The following FRAS1 variants were observed in gnomAD, a reference collection of about 807,000 sequenced individuals.
FRAS1 encodes the protein Fraser extracellular matrix complex subunit 1.
FRAS1 carries 290 observed loss-of-function variants against 435.2 expected under a neutral mutation model. The ratio of observed to expected loss-of-function variants is 0.67; its 90% confidence interval spans 0.61 to 0.73. The LOEUF is 0.73. Ranked by LOEUF, FRAS1 falls within the 30% of genes least tolerant of loss-of-function variation. The pLI is 0.00. For missense variants in FRAS1, 4,860 were observed against 5,001.5 expected (o/e 0.97, Z 0.85); for synonymous variants, 1,800 against 1,851.0 (o/e 0.97, Z 0.71).
At position 78,057,672 on chromosome 4, in the gene FRAS1, C is replaced by T. The variant is rs909757599; in HGVS notation, c.-338C>T. Reference sequence around the variant, plus strand: ...CGAGGGAAATGCTGGAAGATCCCATCGGCCAGTGACCAGCAACTTTCCGGC... The same window carrying T: ...CGAGGGAAATGCTGGAAGATCCCATTGGCCAGTGACCAGCAACTTTCCGGC... On this transcript the variant is annotated 5_prime_UTR_variant, in exon 1 of 74. Coordinates refer to ENST00000512123, the MANE Select transcript of FRAS1 (RefSeq NM_025074.7). The surrounding 1 kb of genome is among the most constrained non-coding windows in gnomAD (Gnocchi z 4.2). 8.0e-6 allele frequency: 3 copies of T among 376,128 alleles called. No homozygotes were observed. In the South Asian group the frequency reaches 1.7e-4, roughly 22 times the overall value. The allele number at this position is 376,128 out of a possible 1,614,324, so 23.3% of individuals were successfully genotyped here.
At chr4:78,496,293 C>G (rs544781171) in intron 59 of FRAS1, among the ~76,000 whole-genome samples, 1 of 152,230 alleles carries the variant, frequency 6.6e-6, no homozygotes, top group Admixed American at 6.5e-5. Flanking sequence ...GCAGCAGATT[C>G]GAAAATTCTT....
At chr4:78,476,789 T>G (rs1034519660) in intron 54 of FRAS1, among the ~76,000 whole-genome samples, 1 of 152,190 alleles carries the variant, frequency 6.6e-6, no homozygotes, top group Non-Finnish European at 1.5e-5. Context: ...TATTAGTTGA[T>G]TAGATATATA....
At chr4:78,123,959 A>G (rs1440868142) in intron 2 of FRAS1, among the ~76,000 whole-genome samples, 1 of 152,154 alleles carries the variant, frequency 6.6e-6, no homozygotes, top group Non-Finnish European at 1.5e-5. Context: ...CTAATTGAAT[A>G]CCTTTTATTT....
At chr4:78,420,607 C>T (rs1733743372) in intron 33 of FRAS1, among the ~76,000 whole-genome samples, 1 of 105,338 alleles carries the variant, frequency 9.5e-6, no homozygotes. Flanking sequence ...ACCCATGTTA[C>T]TGTAGCCAAG....
chr4:78,363,736 T>G (rs1414048137), intron 21 of FRAS1, 71 bp downstream of exon 21: 1 of 1,510,620 alleles, frequency 6.6e-7, no homozygotes, highest in African/African-American at 1.4e-5. Flanking sequence ...CTGGGAAGGA[T>G]CAACCTTTCC....
intron 15 of FRAS1, among the ~76,000 whole-genome samples, chr4:78,309,104 G>C (rs545597169): frequency 4.7e-4 from 72 of 152,328 alleles, no homozygotes; most frequent in Non-Finnish European, 8.5e-4. Context: ...TGGACCAGAG[G>C]TCGGAGTGAT....
intron 18 of FRAS1, among the ~76,000 whole-genome samples, chr4:78,321,018 AT>A (rs1424137362): frequency 6.6e-6 from 1 of 152,222 alleles, no homozygotes; most frequent in Non-Finnish European, 1.5e-5. Context: ...GCTTCTTACA[AT>A]TTTGAGCACC....
chr4:78,260,312 A>G (rs1460546708), intron 6 of FRAS1, among the ~76,000 whole-genome samples: 1 of 151,968 alleles, frequency 6.6e-6, no homozygotes, highest in Non-Finnish European at 1.5e-5. Flanking sequence ...CATTTTCACC[A>G]TATTGATTCT....
intron 2 of FRAS1, among the ~76,000 whole-genome samples, chr4:78,117,102 C>G (rs1397634128): frequency 2.0e-5 from 3 of 152,166 alleles, no homozygotes; most frequent in Non-Finnish European, 2.9e-5. Context: ...CTTAGTTTGT[C>G]TGGATTTGAA....
chr4:78,407,944 C>T, intron 31 of FRAS1, 103 bp downstream of exon 31: 1 of 986,914 alleles, frequency 1.0e-6, no homozygotes, highest in Non-Finnish European at 1.4e-6. Flanking sequence ...GACAGGAAAT[C>T]ACATTTGGGG....
intron 2 of FRAS1, among the ~76,000 whole-genome samples, chr4:78,192,945 T>A (rs1722616081): frequency 6.6e-6 from 1 of 152,232 alleles, no homozygotes; most frequent in South Asian, 2.1e-4. Context: ...CTGCTTTGAA[T>A]GTGTCCCAGA....
intron 58 of FRAS1, among the ~76,000 whole-genome samples, chr4:78,483,768 CTCTCTCTCTCTCTCTATA>C (rs34101423): frequency 1.5e-4 from 1 of 6,516 alleles, no homozygotes; most frequent in African/African-American, 2.8e-4. Context: ...AAAAAAAAAA[CTCTCTCTCTCTCTCTATA>C]TATATATATA....
At chr4:78,364,153 G>T in intron 22 of FRAS1, 99 bp downstream of exon 22, 1 of 1,303,834 alleles carries the variant, frequency 7.7e-7, no homozygotes. Context: ...CTTCTCACCT[G>T]GTAGCCTTTA....
chr4:78,322,554 G>A (rs1413382564), intron 18 of FRAS1, among the ~76,000 whole-genome samples: 1 of 146,516 alleles, frequency 6.8e-6, no homozygotes, highest in Non-Finnish European at 1.5e-5. Flanking sequence ...GCTAATAAAA[G>A]CAAGAGACAG....
At chr4:78,340,121 T>C (rs374822) in intron 20 of FRAS1, among the ~76,000 whole-genome samples, 26,898 of 152,176 alleles carry the variant, frequency 0.18, 3,259 homozygotes, top group African/African-American at 0.35. Flanking sequence ...TGATTAGGAC[T>C]TGCATTAATT....
chr4:78,132,042 G>GTAAATGT, intron 2 of FRAS1, among the ~76,000 whole-genome samples: 1 of 152,278 alleles, frequency 6.6e-6, no homozygotes, highest in South Asian at 2.1e-4. Context: ...GTCTTAGCCT[G>GTAAATGT]TAAATGTTAA....
intron 55 of FRAS1, among the ~76,000 whole-genome samples, chr4:78,479,100 G>C (rs1202776537): frequency 6.6e-6 from 1 of 152,140 alleles, no homozygotes. Context: ...TTAGATGGTG[G>C]GCAATGAGTC....
rs776708508 is a variant in FRAS1, at chr4:78,282,965, C to G, written c.1253C>G (p.Ser418Ter). ...VKGQCCPDCT[S>*]VHCHPDCLTC... ...GGACAGTGCTGTCCAGACTGCACAT[C>G]AGGTGGGTCCATGTCTCCTCTGTTT... Residue 418 changes from serine (S) to a stop codon, truncating the protein, a stop_gained and splice_region_variant, in exon 12 of 74, where the codon TCA (serine) becomes TGA (stop). Coordinates refer to ENST00000512123, the MANE Select transcript of FRAS1 (RefSeq NM_025074.7). LOFTEE classifies it high-confidence loss of function. 5 of 1,521,762 alleles carry G rather than the reference C, an allele frequency of 3.3e-6. No individual in the cohort carries two copies. The highest frequency in any genetic ancestry group is 4.4e-6 in the Non-Finnish European group (5 of 1,138,874). The allele number at this position is 1,521,762 out of a possible 1,614,324, so 94.3% of individuals were successfully genotyped here.
At chr4:78,112,357 C>T (rs1273540639) in intron 2 of FRAS1, among the ~76,000 whole-genome samples, 6 of 152,080 alleles carry the variant, frequency 3.9e-5, no homozygotes, top group Non-Finnish European at 8.8e-5. Flanking sequence ...TTAGACTTAA[C>T]CTCTGCAATC....
Sources: gnomAD v4.1 joint callset for allele counts (sites outside exome capture counted in the v4.1 genomes callset) on GRCh38, gnomAD v4.1.1 for gene constraint, Gnocchi (gnomAD v3.1) non-coding constraint, MANE v1.5 for transcripts, NCBI Gene and HGNC (gene_info 2026-07-23, HGNC 2026-07-21) for gene names.